TAB1: variants seen among roughly 807,000 people sequenced by gnomAD.
TAB1 encodes the protein TGF-beta activated kinase 1 (MAP3K7) binding protein 1, also known as TGF-beta-activated kinase 1 and MAP3K7-binding protein 1.
TAB1 carries 30 observed loss-of-function variants against 54.5 expected under a neutral mutation model. That is an observed-to-expected ratio of 0.55 (90% CI 0.41 to 0.75). TAB1 has a LOEUF of 0.75. Ranked by LOEUF, TAB1 falls within the 30% of genes least tolerant of loss-of-function variation. The pLI is 0.00. For missense variants in TAB1, 609 were observed against 683.2 expected (o/e 0.89, Z 1.21); for synonymous variants, 289 against 286.9 (o/e 1.01, Z -0.07).
chr22:39,417,654 G>T, intron 4 of TAB1, 57 bp from the exon 5 acceptor site: 1 of 1,512,772 alleles, frequency 6.6e-7, no homozygotes, highest in Non-Finnish European at 8.8e-7. Context: ...GAGTGGAGAG[G>T]GCTAGGAAGA....
chr22:39,417,956 C>T (rs1474563432), intron 5 of TAB1, 107 bp downstream of exon 5: 18 of 1,403,142 alleles, frequency 1.3e-5, no homozygotes, highest in South Asian at 3.0e-5. Context: ...GCACTTTAAA[C>T]CCAGGGTCTC....
intron 1 of TAB1, among the ~76,000 whole-genome samples, chr22:39,405,956 T>C (rs1186274134): frequency 6.6e-6 from 1 of 152,194 alleles, no homozygotes; most frequent in Non-Finnish European, 1.5e-5. Flanking sequence ...CCATGTGTCA[T>C]TGGATCTAAG....
Position 39,419,550 on chromosome 22 carries a change from G to T in TAB1, c.696G>T (p.Gly232=), listed in dbSNP as rs756852666. 5.0e-6 allele frequency: 8 copies of T among 1,612,826 alleles called. No individual in the cohort carries two copies. The South Asian group carries it at 8.8e-5, about 18-fold the overall frequency. Residue 232 remains glycine, a synonymous_variant, in exon 7 of 11, where the codon GGG becomes GGT. Transcript: ENST00000216160. ...ATGCTGGAAAGATCAAGCAGGTGGGGATCATCTGTGGGCAGGAGAGCACCC... is the reference window on the plus strand; with the variant it reads ...ATGCTGGAAAGATCAAGCAGGTGGGTATCATCTGTGGGCAGGAGAGCACCC... ...GLDAGKIKQV[G]IICGQESTRR... is the part of the protein sequence containing the mutation.
intron 8 of TAB1, among the ~76,000 whole-genome samples, 174 bp from the exon 9 acceptor site, chr22:39,426,529 G>C (rs1052700428): frequency 6.6e-6 from 1 of 152,202 alleles, no homozygotes; most frequent in South Asian, 2.1e-4. Flanking sequence ...AGTTCCAGAA[G>C]GATTATCCTG....
chr22:39,400,759 G>T (rs908357456), intron 1 of TAB1, among the ~76,000 whole-genome samples: 3 of 152,194 alleles, frequency 2.0e-5, no homozygotes, highest in Admixed American at 6.5e-5. Flanking sequence ...AACTCCGCCG[G>T]GCGCGGTGGC....
downstream of TAB1, among the ~76,000 whole-genome samples, chr22:39,435,894 C>T (rs1228580496): frequency 6.6e-6 from 1 of 152,226 alleles, no homozygotes; most frequent in Non-Finnish European, 1.5e-5. Context: ...GTAAGTCCCA[C>T]CTCCCGGGTG....
intron 8 of TAB1, among the ~76,000 whole-genome samples, chr22:39,424,210 T>A (rs917610522): frequency 4.6e-5 from 7 of 152,212 alleles, no homozygotes; most frequent in African/African-American, 1.7e-4. Context: ...TATTCCATAG[T>A]TTATAGATAC....
In TAB1 at chr22:39,430,847, A is replaced by G; in HGVS notation, c.*625A>G. ...CCACAGAAGGGGCAGGCCAGGTGGA[A>G]AGGAGCCAGGGGGAAGTGGTCTAAG... is the stretch of plus-strand genomic sequence containing the variant. On this transcript the variant is annotated 3_prime_UTR_variant, in exon 11 of 11. Transcript: ENST00000216160. 1 of 990,294 alleles carries G rather than the reference A, an allele frequency of 1.0e-6. No individual in the cohort carries two copies. Among genetic ancestry groups the G allele is most frequent in the Non-Finnish European group, 1.2e-6 (1 of 832,554 alleles). The allele number at this position is 990,294 out of a possible 1,614,324, so 61.3% of individuals were successfully genotyped here. A position where few individuals can be genotyped will look rare whatever the true frequency, so the allele number is the denominator to read the frequency against.
At chr22:39,411,508 T>C (rs1309315231) in intron 1 of TAB1, among the ~76,000 whole-genome samples, 1 of 152,198 alleles carries the variant, frequency 6.6e-6, no homozygotes, top group East Asian at 1.9e-4. Context: ...CGTTAGCCGT[T>C]AGGAAGTGCA....
intron 3 of TAB1, among the ~76,000 whole-genome samples, chr22:39,416,049 C>G (rs1395813220): frequency 6.6e-6 from 1 of 152,158 alleles, no homozygotes; most frequent in African/African-American, 2.4e-5. Flanking sequence ...CCTTGCCTCC[C>G]CTTTCTGAGG....
intron 1 of TAB1, among the ~76,000 whole-genome samples, chr22:39,404,153 A>G (rs565140447): frequency 2.0e-5 from 3 of 152,324 alleles, no homozygotes; most frequent in East Asian, 1.9e-4. Flanking sequence ...GAGGAAGAAG[A>G]GTCAAAAAGG....
chr22:39,420,341 G>A (rs1177690936), intron 7 of TAB1, among the ~76,000 whole-genome samples: 3 of 152,214 alleles, frequency 2.0e-5, no homozygotes, highest in African/African-American at 7.2e-5. Flanking sequence ...CTTGAACACA[G>A]GCAGCCTGAA....
intron 1 of TAB1, among the ~76,000 whole-genome samples, chr22:39,405,752 G>A (rs776119832): frequency 2.6e-5 from 4 of 152,182 alleles, no homozygotes; most frequent in Non-Finnish European, 4.4e-5. Flanking sequence ...CGCTCGGTAT[G>A]GCTAATCCTC....
chr22:39,425,255 A>G (rs1046700561), intron 8 of TAB1, among the ~76,000 whole-genome samples: 20 of 151,790 alleles, frequency 1.3e-4, no homozygotes, highest in African/African-American at 4.6e-4. Flanking sequence ...ATAGTGACGC[A>G]CGCCTGTAAT....
At position 39,421,878 on chromosome 22, in the gene TAB1, G is replaced by A; in HGVS notation, c.828G>A (p.Gln276=). 1.2e-6 allele frequency: 2 copies of A among 1,614,072 alleles called. No homozygotes were observed. The highest frequency in any genetic ancestry group is 1.7e-6 in the Non-Finnish European group (2 of 1,179,966). ...CAGAGCCAGAAATCCATGGGGCACA[G>A]CCGCTGGATGGGGTGACGGGCTTCT... The part of the protein sequence containing the change: ...IIAEPEIHGA[Q]PLDGVTGFLV... Residue 276 remains glutamine (Q), a synonymous_variant, in exon 8 of 11, where the codon CAG becomes CAA. Coordinates refer to ENST00000216160, the MANE Select transcript of TAB1 (RefSeq NM_006116.3).
intron 1 of TAB1, among the ~76,000 whole-genome samples, chr22:39,407,482 T>C (rs1373365994): frequency 6.6e-6 from 1 of 151,362 alleles, no homozygotes; most frequent in African/African-American, 2.4e-5. Context: ...TCATTTGTTG[T>C]TGTTTTGTTT....
At chr22:39,425,617 C>T (rs1437807328) in intron 8 of TAB1, among the ~76,000 whole-genome samples, 1 of 150,736 alleles carries the variant, frequency 6.6e-6, no homozygotes, top group African/African-American at 2.4e-5. Flanking sequence ...TGCAGTGGCT[C>T]GATCTGGGCT....
At chr22:39,408,454 GTTTC>G (rs957134081) in intron 1 of TAB1, among the ~76,000 whole-genome samples, 2 of 152,168 alleles carry the variant, frequency 1.3e-5, no homozygotes, top group African/African-American at 4.8e-5. Flanking sequence ...GTTTGAGCTT[GTTTC>G]TTTCTTTACT....
chr22:39,420,810 TG>T (rs1394292935), intron 7 of TAB1, among the ~76,000 whole-genome samples: 13 of 148,218 alleles, frequency 8.8e-5, no homozygotes, highest in Non-Finnish European at 1.8e-4. Context: ...TGTGTGTGTG[TG>T]TGTGTGTTTG....
Sources: allele counts gnomAD v4.1 joint callset (sites outside exome capture counted in the v4.1 genomes callset), GRCh38; gene constraint gnomAD v4.1.1; transcripts MANE v1.5; gene names NCBI Gene and HGNC (gene_info 2026-07-23, HGNC 2026-07-21).